The following ZDHHC14 variants were observed in gnomAD, a reference collection of about 807,000 sequenced individuals.
The protein encoded by ZDHHC14 is palmitoyltransferase ZDHHC14.
ZDHHC14 carries 16 observed loss-of-function variants against 47.7 expected under a neutral mutation model. The observed-to-expected ratio is 0.34, with a 90% CI of 0.23 to 0.51. ZDHHC14 has a LOEUF of 0.51. Ranked by LOEUF, ZDHHC14 falls within the 20% of genes least tolerant of loss-of-function variation. The probability of loss-of-function intolerance (pLI) is 0.97; values close to 1 mark genes in which losing one functional copy is unlikely to be tolerated. For missense variants in ZDHHC14, 515 were observed against 662.5 expected (o/e 0.78, Z 2.44); for synonymous variants, 293 against 278.9 (o/e 1.05, Z -0.50).
intron 1 of ZDHHC14, among the ~76,000 whole-genome samples, chr6:157,467,351 G>A (rs948639728): frequency 6.6e-5 from 10 of 151,900 alleles, no homozygotes; most frequent in Non-Finnish European, 1.2e-4. Context: ...CCTGGCCTAG[G>A]CAACCACTAA....
intron 8 of ZDHHC14, among the ~76,000 whole-genome samples, chr6:157,655,132 C>T (rs1458752103): frequency 6.6e-6 from 1 of 152,150 alleles, no homozygotes; most frequent in African/African-American, 2.4e-5. Context: ...AACTCATCCA[C>T]TCAAGGGACG....
chr6:157,400,441 G>A (rs139687102), intron 1 of ZDHHC14, among the ~76,000 whole-genome samples: 1,770 of 152,252 alleles, frequency 0.012, 15 homozygotes, highest in Non-Finnish European at 0.016. Flanking sequence ...ACATCCAGCA[G>A]CACATCATGG....
chr6:157,417,933 G>A (rs368579949), intron 1 of ZDHHC14, among the ~76,000 whole-genome samples: 10 of 147,938 alleles, frequency 6.8e-5, no homozygotes, highest in African/African-American at 2.0e-4. Flanking sequence ...CAGCCTGGGC[G>A]ACAGAGCGAG....
chr6:157,677,428 C>G lies in ZDHHC14; in HGVS notation c.*4306C>G, dbSNP rs1778988028. 1 of 151,656 alleles carries G rather than the reference C, an allele frequency of 6.6e-6. No homozygotes were observed. The highest frequency in any genetic ancestry group is 2.4e-5 in the African/African-American group (1 of 41,236). 9.4% of individuals were successfully genotyped at this position (151,656 alleles called of 1,614,324 possible). ...TGTCCATCTGCCCATTGTCCATGGT[C>G]CTGATAATAGAGCCAAGATGGATTT... On this transcript the variant is annotated 3_prime_UTR_variant, in exon 9 of 9. Transcript: ENST00000359775.
intron 1 of ZDHHC14, among the ~76,000 whole-genome samples, chr6:157,541,497 A>G (rs1227992041): frequency 2.0e-5 from 3 of 152,118 alleles, no homozygotes; most frequent in Non-Finnish European, 2.9e-5. Context: ...TTTCTTCTCC[A>G]GCTCCCCATC....
chr6:157,635,464 A>C (rs9458018), intron 5 of ZDHHC14, among the ~76,000 whole-genome samples: 6,776 of 152,282 alleles, frequency 0.044, 516 homozygotes, highest in African/African-American at 0.15. Flanking sequence ...GTCATTTCTT[A>C]ACCCTTTTGT....
chr6:157,428,649 C>T (rs1778273951), intron 1 of ZDHHC14, among the ~76,000 whole-genome samples: 2 of 151,548 alleles, frequency 1.3e-5, no homozygotes, highest in South Asian at 2.1e-4. Flanking sequence ...CCCTAGCCCC[C>T]GAGCACAGGT....
chr6:157,559,376 G>C (rs918942718), intron 2 of ZDHHC14, among the ~76,000 whole-genome samples: 3 of 152,218 alleles, frequency 2.0e-5, no homozygotes, highest in African/African-American at 7.2e-5. Context: ...GGACAGCTTT[G>C]CTCCCCAGCA....
intron 2 of ZDHHC14, among the ~76,000 whole-genome samples, chr6:157,563,901 C>A (rs2114845542): frequency 6.6e-6 from 1 of 152,340 alleles, no homozygotes; most frequent in South Asian, 2.1e-4. Context: ...AGGCTTCAGG[C>A]TGAATTCAGT....
At chr6:157,611,828 T>TTG (rs962793331) in intron 3 of ZDHHC14, among the ~76,000 whole-genome samples, 11 of 152,164 alleles carry the variant, frequency 7.2e-5, no homozygotes, top group African/African-American at 2.4e-4. Flanking sequence ...TCCGTCCCTT[T>TTG]TGTGTGTGTG....
At chr6:157,583,489 GTT>G (rs75893523) in intron 2 of ZDHHC14, among the ~76,000 whole-genome samples, 1 of 147,648 alleles carries the variant, frequency 6.8e-6, no homozygotes, top group East Asian at 2.0e-4. Flanking sequence ...TACCAAAGGT[GTT>G]TTTTTTTTTG....
chr6:157,501,992 A>G (rs139529830), intron 1 of ZDHHC14, among the ~76,000 whole-genome samples: 64 of 152,306 alleles, frequency 4.2e-4, no homozygotes, highest in African/African-American at 1.5e-3. Flanking sequence ...GTCAGTCTTC[A>G]TGCACTCCCC....
chr6:157,400,309 T>A (rs1777608528), intron 1 of ZDHHC14, among the ~76,000 whole-genome samples: 1 of 152,106 alleles, frequency 6.6e-6, no homozygotes, highest in African/African-American at 2.4e-5. Context: ...TGAGAGCTGC[T>A]CCCAGCACTG....
rs1256966282 is a variant in ZDHHC14, at chr6:157,439,138, T to C, written c.245+56872T>C. Among the ~76,000 whole-genome samples the C allele has an allele frequency of 3.9e-5, 6 of 152,208 alleles. 1 individual carries two copies. Among genetic ancestry groups the C allele is most frequent in the African/African-American group, 7.2e-5 (3 of 41,456 alleles). On this transcript the variant is annotated intron_variant, in intron 1 of 8. Coordinates refer to ENST00000359775, the MANE Select transcript of ZDHHC14 (RefSeq NM_024630.3). ...TCATGTTCCCTGTCTAACATATCCA[T>C]TTATATCTCTTATTTCCTGCTAAAT...
rs961478483 is a variant in ZDHHC14 at position 157,586,206 on chromosome 6, T to G, written c.407-6782T>G. ...CTCAGAGCCCAGGGCTGGCCCCCAG[T>G]AGAAGCACAATACAGATCTAGTGGC... On this transcript the variant is annotated intron_variant, in intron 2 of 8. Transcript: ENST00000359775. This position sits in a 1 kb window ranked among gnomAD's most constrained non-coding sequence, Gnocchi z 4.6. Among the ~76,000 whole-genome samples the G allele has an allele frequency of 3.3e-5, 5 of 152,092 alleles. No individual in the cohort carries two copies. The highest frequency in any genetic ancestry group is 1.2e-4 in the African/African-American group (5 of 41,466).
At chr6:157,609,925 A>T (rs1235712611) in intron 3 of ZDHHC14, among the ~76,000 whole-genome samples, 31 of 152,046 alleles carry the variant, frequency 2.0e-4, no homozygotes, top group Non-Finnish European at 2.6e-4. Context: ...AGTAGCAACA[A>T]CTCCTTGGGG....
In ZDHHC14 at chr6:157,542,711, G is replaced by A. The variant is rs2365611; in HGVS notation, c.372G>A (p.Thr124=). The A allele has an allele frequency of 0.4, 652,767 of 1,613,166 alleles. 133,169 individuals carry two copies. Among genetic ancestry groups the A allele is most frequent in the Admixed American group, 0.49 (29,375 of 59,920 alleles). The part of the protein sequence containing the change: ...FSDPGVLPRA[T]PDEAADLERQ... The stretch of plus-strand genomic sequence containing the variant: ...ACCCCGGAGTCCTCCCACGAGCCAC[G>A]CCTGATGAAGCCGCCGATCTGGAAA... The change falls in exon 2 of 9, where the codon ACG becomes ACA. Residue 124 remains threonine (T), a synonymous_variant. Coordinates refer to ENST00000359775, the MANE Select transcript of ZDHHC14 (RefSeq NM_024630.3).
At chr6:157,484,453 T>C (rs1261366515) in intron 1 of ZDHHC14, among the ~76,000 whole-genome samples, 1 of 143,820 alleles carries the variant, frequency 7.0e-6, no homozygotes, top group Non-Finnish European at 1.5e-5. Context: ...TATATATGTA[T>C]ATGTGTATAT....
At chr6:157,471,227 A>G (rs936216223) in intron 1 of ZDHHC14, among the ~76,000 whole-genome samples, 1 of 152,224 alleles carries the variant, frequency 6.6e-6, no homozygotes, top group Middle Eastern at 3.2e-3. Context: ...AGGAATCTGC[A>G]CTGTGATGCT....
Sources: gnomAD v4.1 joint callset for allele counts (sites outside exome capture counted in the v4.1 genomes callset) on GRCh38, gnomAD v4.1.1 for gene constraint, Gnocchi (gnomAD v3.1) non-coding constraint, MANE v1.5 for transcripts, NCBI Gene and HGNC (gene_info 2026-07-23, HGNC 2026-07-21) for gene names.